Variants in SMAD9 observed in about 807,000 individuals in gnomAD.
The protein encoded by SMAD9 is SMAD family member 9.
SMAD9 carries 36 observed loss-of-function variants against 46.1 expected under a neutral mutation model. The observed-to-expected ratio is 0.78, with a 90% CI of 0.60 to 1.03. The LOEUF is 1.03. Among genes scored for constraint, SMAD9 ranks in the 50% least tolerant of loss-of-function variants. The pLI is 0.00. For missense variants in SMAD9, 572 were observed against 599.8 expected (o/e 0.95, Z 0.48); for synonymous variants, 245 against 237.1 (o/e 1.03, Z -0.31).
chr13:36,867,259 C>A lies in SMAD9; in HGVS notation c.781+14G>T. On this transcript the variant is annotated intron_variant, in intron 4 of 6. Transcript: ENST00000379826. ...TGGAAAATAGCTACATTTCACTGTTCATCTGCAATTTACCTCCATTTGGTA... is the reference window on the plus strand; with the variant it reads ...TGGAAAATAGCTACATTTCACTGTTAATCTGCAATTTACCTCCATTTGGTA... 1 of 1,460,764 alleles carries A rather than the reference C, an allele frequency of 6.8e-7. No individual in the cohort carries two copies. Among genetic ancestry groups the A allele is most frequent in the South Asian group, 1.2e-5 (1 of 82,232 alleles). 90.5% of individuals were successfully genotyped at this position (1,460,764 alleles called of 1,614,324 possible). A position where few individuals can be genotyped will look rare whatever the true frequency, so the allele number is the denominator to read the frequency against.
rs2058475107 is a variant in SMAD9 at position 36,889,750 on chromosome 13, A to C, written c.-186-9875T>G. On this transcript the variant is annotated intron_variant, in intron 1 of 6. Coordinates refer to ENST00000379826, the MANE Select transcript of SMAD9 (RefSeq NM_001127217.3). ...GCCAACTATTTTAGCATGAATGATT[A>C]TCAATTACAAAATGTAGATCCTTAG... Among the ~76,000 whole-genome samples, 5 of 152,310 alleles carry C rather than the reference A, an allele frequency of 3.3e-5. No homozygotes were observed. In the South Asian group the frequency reaches 1.0e-3, roughly 32 times the overall value.
intron 3 of SMAD9, among the ~76,000 whole-genome samples, chr13:36,868,238 C>T (rs954288706): frequency 6.6e-6 from 1 of 152,186 alleles, no homozygotes; most frequent in African/African-American, 2.4e-5. Context: ...AATTCCGATT[C>T]AATAGGTCAG....
intron 5 of SMAD9, among the ~76,000 whole-genome samples, chr13:36,864,894 A>T (rs1432715445): frequency 6.6e-6 from 1 of 152,224 alleles, no homozygotes; most frequent in Non-Finnish European, 1.5e-5. Context: ...GAAGATACCA[A>T]CTATTCCAAT....
At chr13:36,884,632 G>A (rs2058429937) in intron 1 of SMAD9, among the ~76,000 whole-genome samples, 1 of 152,122 alleles carries the variant, frequency 6.6e-6, no homozygotes, top group Admixed American at 6.5e-5. Flanking sequence ...TTACCCGGCT[G>A]GGTAACAGTA....
At chr13:36,894,930 C>T (rs557356377) in intron 1 of SMAD9, among the ~76,000 whole-genome samples, 139 of 152,290 alleles carry the variant, frequency 9.1e-4, no homozygotes, top group Non-Finnish European at 1.8e-3. Flanking sequence ...ATGACAAATT[C>T]CCTTATGTCA....
intron 1 of SMAD9, among the ~76,000 whole-genome samples, chr13:36,915,165 C>G (rs1012230557): frequency 2.0e-5 from 3 of 152,182 alleles, no homozygotes; most frequent in Non-Finnish European, 4.4e-5. Flanking sequence ...ACTTCTACTA[C>G]TTGCAAACTC....
At chr13:36,905,417 A>G (rs954425626) in intron 1 of SMAD9, among the ~76,000 whole-genome samples, 1 of 152,084 alleles carries the variant, frequency 6.6e-6, no homozygotes, top group African/African-American at 2.4e-5. Context: ...AGTAATACTA[A>G]TCAATATATC....
At chr13:36,866,601 T>A (rs2058237332) in intron 4 of SMAD9, among the ~76,000 whole-genome samples, 1 of 152,172 alleles carries the variant, frequency 6.6e-6, no homozygotes, top group South Asian at 2.1e-4. Context: ...CAGATAAATT[T>A]GGGGGTTATT....
intron 5 of SMAD9, among the ~76,000 whole-genome samples, chr13:36,858,930 T>A (rs938592367): frequency 5.9e-5 from 9 of 152,164 alleles, no homozygotes; most frequent in Non-Finnish European, 1.2e-4. Context: ...CACCTGGTCA[T>A]GAACTCCTAC....
intron 1 of SMAD9, among the ~76,000 whole-genome samples, chr13:36,887,790 A>G (rs2058459551): frequency 6.6e-6 from 1 of 152,192 alleles, no homozygotes; most frequent in Non-Finnish European, 1.5e-5. Context: ...AGGGAAGAGG[A>G]GTAAACGGGA....
intron 1 of SMAD9, among the ~76,000 whole-genome samples, chr13:36,901,782 C>T (rs2058578318): frequency 6.6e-6 from 1 of 152,198 alleles, no homozygotes; most frequent in African/African-American, 2.4e-5. Flanking sequence ...AGCAAATTTG[C>T]TGTCCATTTG....
At chr13:36,850,524 A>C (rs2058065907) in intron 6 of SMAD9, among the ~76,000 whole-genome samples, 1 of 152,110 alleles carries the variant, frequency 6.6e-6, no homozygotes, top group African/African-American at 2.4e-5. Flanking sequence ...GATTACAGGC[A>C]CGCGCCACCA....
chr13:36,862,006 G>C (rs983398705), intron 5 of SMAD9, among the ~76,000 whole-genome samples: 1 of 151,756 alleles, frequency 6.6e-6, no homozygotes. Flanking sequence ...CAATCTTTTC[G>C]AAAGTGTAAA....
intron 1 of SMAD9, among the ~76,000 whole-genome samples, chr13:36,901,626 C>T (rs1566037913): frequency 6.6e-6 from 1 of 152,118 alleles, no homozygotes; most frequent in Non-Finnish European, 1.5e-5. Context: ...CGAGGTTTTG[C>T]CATGTTGGCC....
chr13:36,879,101 C>T (rs1212614517), intron 2 of SMAD9, among the ~76,000 whole-genome samples, 177 bp downstream of exon 2: 1 of 152,086 alleles, frequency 6.6e-6, no homozygotes, highest in Non-Finnish European at 1.5e-5. Context: ...TGGACAGCTG[C>T]CTCATTCCGG....
rs114873099 is a variant in SMAD9 at position 36,894,691 on chromosome 13, C to T, written c.-186-14816G>A. Among the ~76,000 whole-genome samples, 744 of 152,230 alleles carry T rather than the reference C, an allele frequency of 4.9e-3. 5 individuals are homozygous for T. Among genetic ancestry groups the T allele is most frequent in the African/African-American group, 0.017 (715 of 41,554 alleles). ...GGTCCAGTCACCTCCATGGAGTCCT[C>T]CTGATCCCCTGCCCGATGCTTTGTA... On this transcript the variant is annotated intron_variant, in intron 1 of 6. Coordinates refer to ENST00000379826, the MANE Select transcript of SMAD9 (RefSeq NM_001127217.3).
chr13:36,905,611 C>T (rs1360371875), intron 1 of SMAD9, among the ~76,000 whole-genome samples: 1 of 150,876 alleles, frequency 6.6e-6, no homozygotes, highest in Non-Finnish European at 1.5e-5. Context: ...AAACGAAAAA[C>T]AAAAAAACAA....
chr13:36,908,209 T>C (rs555451743), intron 1 of SMAD9, among the ~76,000 whole-genome samples: 11 of 152,346 alleles, frequency 7.2e-5, no homozygotes, highest in Admixed American at 3.3e-4. Context: ...TTTAATGAGA[T>C]CTGTTTTCTG....
At chr13:36,908,407 TTC>T (rs2058635315) in intron 1 of SMAD9, among the ~76,000 whole-genome samples, 1 of 152,208 alleles carries the variant, frequency 6.6e-6, no homozygotes, top group African/African-American at 2.4e-5. Context: ...AAATACAAAT[TTC>T]TGTTATGCTA....
Sources: gnomAD v4.1 joint callset for allele counts (sites outside exome capture counted in the v4.1 genomes callset) on GRCh38, gnomAD v4.1.1 for gene constraint, MANE v1.5 for transcripts, NCBI Gene and HGNC (gene_info 2026-07-23, HGNC 2026-07-21) for gene names.